The following VWA5B1 variants were observed in gnomAD, a reference collection of about 807,000 sequenced individuals.
VWA5B1 encodes von Willebrand factor A domain containing 5B1, also known as von Willebrand factor A domain-containing protein 5B1.
A neutral mutation model predicts 118.2 loss-of-function variants in VWA5B1; 115 were observed. The ratio of observed to expected loss-of-function variants is 0.97; its 90% CI spans 0.84 to 1.14. The LOEUF (loss-of-function observed/expected upper bound fraction) is 1.14. Among genes scored for constraint, VWA5B1 ranks in the 50% most tolerant of loss-of-function variants. The probability of loss-of-function intolerance (pLI) is 0.00; values close to 1 mark genes in which losing one functional copy is unlikely to be tolerated. For missense variants in VWA5B1, 1,596 were observed against 1,603.8 expected, an observed-to-expected ratio of 1.00 and a Z score of 0.08; for synonymous variants, 682 against 658.4, an observed-to-expected ratio of 1.04 and a Z score of -0.55.
chr1:20,346,126 T>C (rs1417589141), intron 17 of VWA5B1, among the ~76,000 whole-genome samples: 1 of 152,240 alleles, frequency 6.6e-6, no homozygotes, highest in Non-Finnish European at 1.5e-5. Context: ...TATATCATTT[T>C]AATAGCATAT....
At chr1:20,307,917 G>A (rs1167377920) in intron 1 of VWA5B1, among the ~76,000 whole-genome samples, 1 of 151,566 alleles carries the variant, frequency 6.6e-6, no homozygotes, top group South Asian at 2.1e-4. Context: ...ACATATACAG[G>A]TTTGTTACAT....
Position 20,342,589 on chromosome 1 carries a change from G to A in VWA5B1, c.2291G>A (p.Ser764Asn), listed in dbSNP as rs1280499773. 1.3e-6 allele frequency: 2 copies of A among 1,499,500 alleles called. No homozygotes were observed. The highest frequency in any genetic ancestry group is 2.7e-5 in the South Asian group (2 of 75,330). The allele number at this position is 1,499,500 out of a possible 1,614,324, so 92.9% of individuals were successfully genotyped here. The change falls in exon 15 of 22, where the codon AGC becomes AAC. Residue 764 changes from serine to asparagine, a missense_variant. Physicochemically the swap from Ser to Asn is conservative, Grantham distance 46 (BLOSUM62 1). Coordinates refer to ENST00000289815, the MANE Select transcript of VWA5B1 (RefSeq NM_001039500.3). ...CCTGTGAGAGAGCGGACTTCTGACA[G>A]CCGAAGCCCTGGAGATCTGGGTAAG... ...WSPVRERTSD[S>N]RSPGDLEPSH...
At chr1:20,310,979 T>C (rs2088832000) in intron 2 of VWA5B1, among the ~76,000 whole-genome samples, 1 of 152,214 alleles carries the variant, frequency 6.6e-6, no homozygotes, top group Non-Finnish European at 1.5e-5. Context: ...CCCTGCACTT[T>C]TCTTTTTCTT....
chr1:20,302,822 C>A (rs1474884203), intron 1 of VWA5B1, among the ~76,000 whole-genome samples: 2 of 152,030 alleles, frequency 1.3e-5, no homozygotes, highest in African/African-American at 4.8e-5. Flanking sequence ...GCATTCCTGG[C>A]AAAGCCCACA....
chr1:20,331,741 A>G (rs1170106687), intron 11 of VWA5B1, among the ~76,000 whole-genome samples: 4 of 151,854 alleles, frequency 2.6e-5, no homozygotes, highest in Non-Finnish European at 4.4e-5. Flanking sequence ...CCAGGGAGAG[A>G]GATGGTCTTG....
chr1:20,319,266 C>T, intron 6 of VWA5B1, 116 bp from the exon 7 acceptor site: 2 of 1,435,060 alleles, frequency 1.4e-6, no homozygotes, highest in Non-Finnish European at 1.9e-6. Context: ...GGGCTTCCAC[C>T]CCGCTTCCAA....
chr1:20,292,237 T>C (rs532193774), intron 1 of VWA5B1, among the ~76,000 whole-genome samples: 231 of 151,392 alleles, frequency 1.5e-3, no homozygotes, highest in Non-Finnish European at 2.8e-3. Flanking sequence ...GTAAGTCTTC[T>C]CTGCTGAGGC....
intron 1 of VWA5B1, among the ~76,000 whole-genome samples, chr1:20,304,188 G>A (rs1373597360): frequency 6.6e-6 from 1 of 152,178 alleles, no homozygotes; most frequent in African/African-American, 2.4e-5. Context: ...TGGTTACAGT[G>A]CCGCAGGATG....
chr1:20,305,138 T>C (rs2088611131), intron 1 of VWA5B1, among the ~76,000 whole-genome samples: 1 of 149,882 alleles, frequency 6.7e-6, no homozygotes, highest in African/African-American at 2.5e-5. Context: ...TTATGTCAGA[T>C]GGTGATAAGT....
intron 1 of VWA5B1, among the ~76,000 whole-genome samples, chr1:20,309,410 G>A (rs565741071): frequency 6.6e-6 from 1 of 152,350 alleles, no homozygotes; most frequent in African/African-American, 2.4e-5. Flanking sequence ...GGGGACCCAA[G>A]TTGACCATGA....
intron 3 of VWA5B1, among the ~76,000 whole-genome samples, chr1:20,313,995 G>A (rs1365106966): frequency 6.6e-6 from 1 of 152,144 alleles, no homozygotes; most frequent in Non-Finnish European, 1.5e-5. Context: ...GCAAAACTAT[G>A]GATCCCCAAG....
intron 2 of VWA5B1, among the ~76,000 whole-genome samples, chr1:20,311,384 C>T (rs1363231110): frequency 6.6e-6 from 1 of 152,212 alleles, no homozygotes; most frequent in African/African-American, 2.4e-5. Context: ...AGCCAGGAGC[C>T]TCCACTCCTA....
At chr1:20,320,967 T>G (rs1570122255) in intron 7 of VWA5B1, among the ~76,000 whole-genome samples, 2 of 148,812 alleles carry the variant, frequency 1.3e-5, no homozygotes, top group Admixed American at 1.3e-4. Context: ...GGGAGAAGAG[T>G]GGGTTGTGGG....
At chr1:20,303,449 A>G (rs1026671002) in intron 1 of VWA5B1, 1 of 152,380 alleles carries the variant, frequency 6.6e-6, no homozygotes, top group African/African-American at 2.4e-5. Flanking sequence ...CAGCAGTAAG[A>G]TCAGAGTCAG....
At chr1:20,322,632 C>T (rs548931506) in intron 7 of VWA5B1, among the ~76,000 whole-genome samples, 39 of 152,240 alleles carry the variant, frequency 2.6e-4, no homozygotes, top group Middle Eastern at 3.4e-3. Flanking sequence ...AAAAACTATT[C>T]GGTGTGAGAA....
chr1:20,291,853 G>T (rs1033386), intron 1 of VWA5B1, among the ~76,000 whole-genome samples: 18,754 of 152,176 alleles, frequency 0.12, 1,855 homozygotes, highest in East Asian at 0.52. Context: ...GCAGTGTGGC[G>T]CCTGCTAACG....
In VWA5B1 at chr1:20,318,417, T is replaced by G. The variant is rs1414737996; in HGVS notation, c.710-173T>G. On this transcript the variant is annotated intron_variant, in intron 5 of 21. Coordinates refer to ENST00000289815, the MANE Select transcript of VWA5B1 (RefSeq NM_001039500.3). ...AGACACCATCTATCTAAGCTTTCAT[T>G]TTACAGGTGGGGAAATTGAGGCAGC... is the stretch of plus-strand genomic sequence containing the variant. 4.6e-6 allele frequency: 4 copies of G among 861,592 alleles called. No individual in the cohort carries two copies. In the Admixed American group the frequency reaches 8.3e-5, roughly 18 times the overall value. 53.4% of individuals were successfully genotyped at this position (861,592 alleles called of 1,614,324 possible). A position where few individuals can be genotyped will look rare whatever the true frequency, so the allele number is the denominator to read the frequency against.
rs74056525 is a variant in VWA5B1 at position 20,357,705 on chromosome 1, T to C, written c.*3442T>C. ...GTTTCATGAATCATTTTCCCACTCC[T>C]TGGTTCTCTAGGTGGGTTTGTCTTC... is the stretch of plus-strand genomic sequence containing the variant. On this transcript the variant is annotated 3_prime_UTR_variant, in exon 22 of 22. Coordinates refer to ENST00000289815, the MANE Select transcript of VWA5B1 (RefSeq NM_001039500.3). Among the ~76,000 whole-genome samples, 683 of 152,274 alleles carry C rather than the reference T, an allele frequency of 4.5e-3. 8 individuals carry two copies. The highest frequency in any genetic ancestry group is 0.015 in the African/African-American group (642 of 41,566).
intron 1 of VWA5B1, among the ~76,000 whole-genome samples, chr1:20,308,700 C>T (rs775719963): frequency 2.6e-5 from 4 of 152,158 alleles, no homozygotes; most frequent in Non-Finnish European, 5.9e-5. Context: ...GTCAGCCCAA[C>T]AGGAGATAAG....
Sources: allele counts gnomAD v4.1 joint callset (sites outside exome capture counted in the v4.1 genomes callset), GRCh38; gene constraint gnomAD v4.1.1; transcripts MANE v1.5; gene names NCBI Gene and HGNC (gene_info 2026-07-23, HGNC 2026-07-21).